CSGALNACT1: variants seen among roughly 807,000 people sequenced by gnomAD.
The protein encoded by CSGALNACT1 is chondroitin sulfate N-acetylgalactosaminyltransferase 1.
In CSGALNACT1, 52 loss-of-function variants were observed where a neutral mutation model predicts 51.0. That is an observed-to-expected ratio of 1.02 (90% CI 0.82 to 1.29). CSGALNACT1 has a LOEUF of 1.29. CSGALNACT1 is among the 50% of genes most tolerant of loss of function. CSGALNACT1 has a pLI of 0.00. For missense variants in CSGALNACT1, 935 were observed against 679.2 expected (o/e 1.38, Z -4.19); for synonymous variants, 341 against 254.4 (o/e 1.34, Z -3.24).
chr8:19,554,833 A>G (rs2089291184), intron 3 of CSGALNACT1, among the ~76,000 whole-genome samples: 1 of 152,012 alleles, frequency 6.6e-6, no homozygotes, highest in South Asian at 2.1e-4. Flanking sequence ...CAGGATAATC[A>G]CTTGAACCTG....
At chr8:19,444,522 G>T (rs1186532900) in intron 5 of CSGALNACT1, among the ~76,000 whole-genome samples, 1 of 152,122 alleles carries the variant, frequency 6.6e-6, no homozygotes, top group East Asian at 1.9e-4. Flanking sequence ...TTGTGATATT[G>T]ATATTTTACA....
rs540247929 is a variant in CSGALNACT1, at chr8:19,519,082, C to T, written c.-296-12952G>A. ...ATGGTTTTAAAACATTCTTTAGACA[C>T]AGCTCTCCAAGAACAAACATTATGG... On this transcript the variant is annotated intron_variant, in intron 3 of 9. Transcript: ENST00000454498. Among the ~76,000 whole-genome samples the T allele has an allele frequency of 5.9e-5, 9 of 152,258 alleles. 1 individual carries two copies. Among genetic ancestry groups the T allele is most frequent in the African/African-American group, 1.4e-4 (6 of 41,538 alleles).
At chr8:19,409,017 T>C (rs1213042073) in intron 8 of CSGALNACT1, among the ~76,000 whole-genome samples, 1 of 141,386 alleles carries the variant, frequency 7.1e-6, no homozygotes, top group African/African-American at 2.6e-5. Flanking sequence ...CTTTGAGCAG[T>C]GCCGTGGAAA....
At chr8:19,642,238 A>T (rs1046887098) in intron 1 of CSGALNACT1, among the ~76,000 whole-genome samples, 1 of 152,196 alleles carries the variant, frequency 6.6e-6, no homozygotes, top group African/African-American at 2.4e-5. Flanking sequence ...ATCAGAGAAG[A>T]CAGAAGAGAA....
chr8:19,732,810 G>T (rs2063764032), intron 1 of CSGALNACT1, among the ~76,000 whole-genome samples: 1 of 152,194 alleles, frequency 6.6e-6, no homozygotes, highest in Non-Finnish European at 1.5e-5. Flanking sequence ...CCTACAAAGG[G>T]CAGTTTAATT....
intron 6 of CSGALNACT1, among the ~76,000 whole-genome samples, chr8:19,425,438 T>C (rs1299939488): frequency 6.6e-6 from 1 of 152,192 alleles, no homozygotes. Flanking sequence ...CGTGACTCCC[T>C]CCTTTTATGT....
chr8:19,429,537 CA>C (rs1174341531), intron 6 of CSGALNACT1, among the ~76,000 whole-genome samples: 1 of 152,216 alleles, frequency 6.6e-6, no homozygotes, highest in Non-Finnish European at 1.5e-5. Flanking sequence ...AGGTTCATCC[CA>C]TTGCAGCATA....
Position 19,457,743 on chromosome 8 carries a change from A to G in CSGALNACT1, c.851+683T>C, listed in dbSNP as rs768706616. On this transcript the variant is annotated intron_variant, in intron 5 of 9. Coordinates refer to ENST00000454498, the Ensembl canonical transcript of CSGALNACT1. Reference sequence around the variant, plus strand: ...CTCAGCCAATATGTGCATCTGAGCCATCACAGCTTCTAAGATCCAACACCG... The same window carrying G: ...CTCAGCCAATATGTGCATCTGAGCCGTCACAGCTTCTAAGATCCAACACCG... 5 of 1,349,614 alleles carry G rather than the reference A, an allele frequency of 3.7e-6. No homozygotes were observed. The South Asian group carries it at 5.7e-5, about 15-fold the overall frequency. The allele number at this position is 1,349,614 out of a possible 1,614,324, so 83.6% of individuals were successfully genotyped here.
At chr8:19,577,752 C>G (rs2044604296) in intron 3 of CSGALNACT1, among the ~76,000 whole-genome samples, 1 of 152,054 alleles carries the variant, frequency 6.6e-6, no homozygotes, top group Non-Finnish European at 1.5e-5. Context: ...TTCCAGCCGT[C>G]TGACTTGAGT....
At chr8:19,701,570 C>T (rs908487613) in intron 1 of CSGALNACT1, among the ~76,000 whole-genome samples, 1 of 152,202 alleles carries the variant, frequency 6.6e-6, no homozygotes, top group African/African-American at 2.4e-5. Context: ...AGGTCTGTCA[C>T]TCTTAGCCAA....
At chr8:19,420,011 G>A (rs2057648376) in intron 7 of CSGALNACT1, among the ~76,000 whole-genome samples, 2 of 152,284 alleles carry the variant, frequency 1.3e-5, no homozygotes, top group South Asian at 4.1e-4. Context: ...GTACATGGGA[G>A]TTCCCTTACA....
At chr8:19,661,055 G>A (rs2058707600) in intron 1 of CSGALNACT1, among the ~76,000 whole-genome samples, 1 of 151,908 alleles carries the variant, frequency 6.6e-6, no homozygotes, top group Non-Finnish European at 1.5e-5. Flanking sequence ...TGGGTCTACA[G>A]GTGCATGCCA....
At position 19,662,714 on chromosome 8, in the gene CSGALNACT1, C is replaced by A. The variant is rs574345130; in HGVS notation, c.-544+19759G>T. On this transcript the variant is annotated intron_variant, in intron 1 of 9. Transcript: ENST00000332246. ...AAACAAATCTGAAAGACATATTTGT[C>A]CTGTTTCCATCTTTGGGCAACAGTG... Among the ~76,000 whole-genome samples the A allele has an allele frequency of 2.0e-5, 3 of 152,252 alleles. No homozygotes were observed. In the East Asian group the frequency reaches 5.8e-4, roughly 29 times the overall value.
intron 5 of CSGALNACT1, among the ~76,000 whole-genome samples, chr8:19,444,463 C>A (rs879549599): frequency 6.6e-6 from 1 of 152,086 alleles, no homozygotes; most frequent in Non-Finnish European, 1.5e-5. Context: ...TAATTTTAAC[C>A]TGAGTTTCTG....
At chr8:19,507,446 G>A (rs1387483205) in intron 3 of CSGALNACT1, among the ~76,000 whole-genome samples, 1 of 143,860 alleles carries the variant, frequency 7.0e-6, no homozygotes, top group African/African-American at 2.6e-5. Context: ...CACTCATCAT[G>A]GACATTTCCA....
At chr8:19,440,211 G>A (rs985469851) in intron 5 of CSGALNACT1, among the ~76,000 whole-genome samples, 2 of 152,144 alleles carry the variant, frequency 1.3e-5, no homozygotes, top group Non-Finnish European at 2.9e-5. Context: ...AGCCCACCGG[G>A]CCTAGACAGT....
intron 1 of CSGALNACT1, chr8:19,678,881 C>G (rs538322287): frequency 6.6e-6 from 1 of 152,290 alleles, no homozygotes; most frequent in East Asian, 1.9e-4. Context: ...ATGACAGTAA[C>G]TACAACAATA....
chr8:19,487,663 T>A (rs1388639473), intron 4 of CSGALNACT1, among the ~76,000 whole-genome samples: 2 of 152,178 alleles, frequency 1.3e-5, no homozygotes, highest in South Asian at 2.1e-4. Context: ...CACCTTCAGC[T>A]AAGGTGCTTG....
intron 3 of CSGALNACT1, among the ~76,000 whole-genome samples, chr8:19,519,360 C>T (rs2080186415): frequency 6.6e-6 from 1 of 152,128 alleles, no homozygotes; most frequent in Admixed American, 6.6e-5. Flanking sequence ...AGCTAGTAGG[C>T]CCCCATATCC....
Sources: allele counts gnomAD v4.1 joint callset (sites outside exome capture counted in the v4.1 genomes callset), GRCh38; gene constraint gnomAD v4.1.1; transcripts MANE v1.5; gene names NCBI Gene and HGNC (gene_info 2026-07-23, HGNC 2026-07-21).